ADAM32: variants seen among roughly 807,000 people sequenced by gnomAD.
ADAM32 encodes the protein disintegrin and metalloproteinase domain-containing protein 32.
In ADAM32, 89 loss-of-function variants were observed where a neutral mutation model predicts 114.9. That is an observed-to-expected ratio of 0.77 (90% CI 0.65 to 0.92). The LOEUF is 0.92. Ranked by LOEUF, ADAM32 falls within the 40% of genes least tolerant of loss-of-function variation. The pLI, the probability that ADAM32 is intolerant of heterozygous loss-of-function variation, is 0.00. For synonymous variants in ADAM32, 285 were observed against 307.5 expected, an observed-to-expected ratio of 0.93 and a Z score of 0.77; for missense variants, 870 against 932.8, an observed-to-expected ratio of 0.93 and a Z score of 0.88.
At chr8:39,116,635 G>T (rs1233795803) in intron 1 of ADAM32, among the ~76,000 whole-genome samples, 1 of 152,014 alleles carries the variant, frequency 6.6e-6, no homozygotes, top group African/African-American at 2.4e-5. Context: ...GGAGCCTTTG[G>T]GCAGAAACTA....
intron 10 of ADAM32, among the ~76,000 whole-genome samples, chr8:39,184,972 T>C (rs7843696): frequency 0.25 from 37,608 of 152,132 alleles, 5,028 homozygotes; most frequent in Non-Finnish European, 0.29. Flanking sequence ...GGTCCCAATG[T>C]TCCTGTTGGG....
intron 11 of ADAM32, among the ~76,000 whole-genome samples, chr8:39,195,801 C>T (rs1236671880): frequency 6.6e-6 from 1 of 152,146 alleles, no homozygotes; most frequent in African/African-American, 2.4e-5. Flanking sequence ...TTTATTCCTA[C>T]AGACTTACAG....
chr8:39,269,212 C>T lies in ADAM32; in HGVS notation c.2163-1664C>T, dbSNP rs911996158. ...CTATCACCTCAACTCAGAGAGACTA[C>T]TGGGATTTGCCTCAGTTTCCCTCAT... On this transcript the variant is annotated intron_variant, in intron 19 of 24. Coordinates refer to ENST00000379907, the MANE Select transcript of ADAM32 (RefSeq NM_145004.7). Among the ~76,000 whole-genome samples, 8 of 152,324 alleles carry T rather than the reference C, an allele frequency of 5.3e-5. 1 individual carries two copies. Among genetic ancestry groups the T allele is most frequent in the Non-Finnish European group, 8.8e-5 (6 of 68,038 alleles).
intron 19 of ADAM32, among the ~76,000 whole-genome samples, chr8:39,264,229 C>T (rs986428086): frequency 6.6e-6 from 1 of 152,122 alleles, no homozygotes; most frequent in Non-Finnish European, 1.5e-5. Flanking sequence ...AGGTAGTGAG[C>T]ATAATACTTG....
At chr8:39,180,285 G>A (rs561417291) in intron 10 of ADAM32, among the ~76,000 whole-genome samples, 71 of 152,326 alleles carry the variant, frequency 4.7e-4, no homozygotes, top group African/African-American at 1.7e-3. Flanking sequence ...GGTGTACTGG[G>A]TCCCCCAGCA....
At chr8:39,197,550 T>A (rs1807091692) in intron 11 of ADAM32, among the ~76,000 whole-genome samples, 1 of 152,212 alleles carries the variant, frequency 6.6e-6, no homozygotes, top group Non-Finnish European at 1.5e-5. Flanking sequence ...ATTTGTTGTT[T>A]CCTTCTTAAT....
intron 1 of ADAM32, among the ~76,000 whole-genome samples, chr8:39,111,577 A>AATAC (rs1474923657): frequency 6.6e-6 from 1 of 152,124 alleles, no homozygotes; most frequent in East Asian, 1.9e-4. Flanking sequence ...TACTAAAAAA[A>AATAC]ATACAAAAAT....
rs1809771960 is a variant in ADAM32, at chr8:39,232,071, C to G, written c.1570C>G (p.Gln524Glu). ...PFACYEEIQS[Q>E]SDRFGNCGRD... is the part of the protein sequence containing the mutation. Reference sequence around the variant, plus strand: ...TGCCTGCTATGAAGAAATACAATCTCAATCAGACAGATTTGGGAACTGTGG... The same window carrying G: ...TGCCTGCTATGAAGAAATACAATCTGAATCAGACAGATTTGGGAACTGTGG... Residue 524 changes from glutamine (Q) to glutamate (E), a missense_variant, in exon 15 of 25, where the codon CAA becomes GAA. Transcript: ENST00000379907. 2 of 1,612,678 alleles carry G rather than the reference C, an allele frequency of 1.2e-6. No individual in the cohort carries two copies. The highest frequency in any genetic ancestry group is 1.1e-5 in the South Asian group (1 of 90,956).
At chr8:39,251,490 G>GT (rs1246304696) in intron 17 of ADAM32, among the ~76,000 whole-genome samples, 1 of 151,534 alleles carries the variant, frequency 6.6e-6, no homozygotes, top group Non-Finnish European at 1.5e-5. Context: ...TCATATACCT[G>GT]TTGGCCATTT....
chr8:39,257,141 A>G (rs531425941), intron 18 of ADAM32, 46 bp from the exon 19 acceptor site: 5 of 1,473,466 alleles, frequency 3.4e-6, no homozygotes, highest in East Asian at 2.4e-5. Context: ...GTAAAAGTAG[A>G]TAGTTTAATT....
intron 11 of ADAM32, among the ~76,000 whole-genome samples, chr8:39,203,140 T>G (rs1442419375): frequency 6.6e-6 from 1 of 152,226 alleles, no homozygotes; most frequent in Non-Finnish European, 1.5e-5. Flanking sequence ...TGTAGATGTC[T>G]ATTAGGTCTA....
At chr8:39,272,796 A>C (rs1812814604) in intron 20 of ADAM32, among the ~76,000 whole-genome samples, 1 of 152,218 alleles carries the variant, frequency 6.6e-6, no homozygotes, top group Non-Finnish European at 1.5e-5. Flanking sequence ...ATAATATATT[A>C]ACCTTACGTT....
intron 6 of ADAM32, among the ~76,000 whole-genome samples, chr8:39,156,164 C>G (rs2129445769): frequency 6.6e-6 from 1 of 151,466 alleles, no homozygotes; most frequent in South Asian, 2.1e-4. Context: ...TTTTTGGAGG[C>G]AGGGTCTTAC....
At chr8:39,199,295 AG>A (rs2129447742) in intron 11 of ADAM32, among the ~76,000 whole-genome samples, 1 of 152,328 alleles carries the variant, frequency 6.6e-6, no homozygotes, top group South Asian at 2.1e-4. Context: ...TCCTTACATA[AG>A]TCATCTATGC....
At chr8:39,170,452 C>T (rs575291574) in intron 10 of ADAM32, among the ~76,000 whole-genome samples, 113 of 151,894 alleles carry the variant, frequency 7.4e-4, no homozygotes, top group Admixed American at 3.6e-3. Flanking sequence ...ATTTATAATA[C>T]GGATAAATGT....
chr8:39,169,661 G>A (rs774485944), intron 9 of ADAM32: 10 of 286,668 alleles, frequency 3.5e-5, no homozygotes, highest in Admixed American at 9.7e-5. Context: ...CAGATGTGAT[G>A]AGAACACTAA....
At chr8:39,157,817 A>T in intron 6 of ADAM32, 1 of 948,942 alleles carries the variant, frequency 1.1e-6, no homozygotes, top group South Asian at 1.4e-5. Context: ...TTGTCAGGTT[A>T]TAGTCAGTGG....
At chr8:39,129,942 T>C in intron 2 of ADAM32, 2 of 368,958 alleles carry the variant, frequency 5.4e-6, no homozygotes, top group Non-Finnish European at 1.0e-5. Flanking sequence ...CATAAAATTG[T>C]ACATCACATT....
intron 24 of ADAM32, 51 bp from the exon 25 acceptor site, chr8:39,284,742 G>A: frequency 1.9e-6 from 3 of 1,607,958 alleles, no homozygotes; most frequent in Non-Finnish European, 1.7e-6. Flanking sequence ...ACAGTGGGAG[G>A]GAATTTGCTG....
Sources: gnomAD v4.1 joint callset for allele counts (sites outside exome capture counted in the v4.1 genomes callset) on GRCh38, gnomAD v4.1.1 for gene constraint, MANE v1.5 for transcripts, NCBI Gene and HGNC (gene_info 2026-07-23, HGNC 2026-07-21) for gene names.